CASP9: variants seen among roughly 807,000 people sequenced by gnomAD.
CASP9 encodes caspase 9.
In CASP9, 29 loss-of-function variants were observed where a neutral mutation model predicts 43.5. The observed-to-expected ratio is 0.67, with a 90% CI of 0.50 to 0.91. CASP9 has a LOEUF of 0.91. Among genes scored for constraint, CASP9 ranks in the 40% least tolerant of loss-of-function variants. The pLI, the probability that CASP9 is intolerant of heterozygous loss-of-function variation, is 0.00. For synonymous variants in CASP9, 206 were observed against 211.9 expected, an observed-to-expected ratio of 0.97 and a Z score of 0.24; for missense variants, 575 against 537.4, an observed-to-expected ratio of 1.07 and a Z score of -0.69.
intron 2 of CASP9, among the ~76,000 whole-genome samples, chr1:15,509,469 A>G (rs1397972939): frequency 2.7e-5 from 4 of 150,868 alleles, no homozygotes; most frequent in Non-Finnish European, 4.4e-5. Flanking sequence ...ACAAAAAAAA[A>G]AAAAAAAAAA....
rs4646024 is a variant in CASP9, at chr1:15,512,209, C to A, written c.419-4302G>T. ...AGTTCCAACCCAGGCAAGGCATGAGCAGAGAAAGCCACTGATGGTTGAGTT... is the reference window on the plus strand; with the variant it reads ...AGTTCCAACCCAGGCAAGGCATGAGAAGAGAAAGCCACTGATGGTTGAGTT... On this transcript the variant is annotated intron_variant, in intron 2 of 8. Coordinates refer to ENST00000333868, the MANE Select transcript of CASP9 (RefSeq NM_001229.5). 4.7e-4 allele frequency among the ~76,000 whole-genome samples: 71 copies of A among 152,322 alleles called. 2 individuals are homozygous for A. The highest frequency in any genetic ancestry group is 4.5e-3 in the Admixed American group (69 of 15,304).
rs764016391 is a variant in CASP9 at position 15,493,827 on chromosome 1, C to T, written c.1158+65G>A. On this transcript the variant is annotated intron_variant, in intron 8 of 8. Transcript: ENST00000333868. ...TGCCCTGCTCACCCCAAATCCCCAG[C>T]CCCAGGAGGACACGCTGCCCCTCAG... 1.9e-6 allele frequency: 3 copies of T among 1,546,754 alleles called. No individual in the cohort carries two copies. The African/African-American group carries it at 4.1e-5, about 21-fold the overall frequency.
chr1:15,502,888 G>C (rs1026027228), intron 6 of CASP9, among the ~76,000 whole-genome samples: 1 of 152,192 alleles, frequency 6.6e-6, no homozygotes, highest in Non-Finnish European at 1.5e-5. Context: ...CAGGAGGTGA[G>C]GCAGAGCAGG....
intron 6 of CASP9, among the ~76,000 whole-genome samples, chr1:15,499,530 T>C (rs1709242855): frequency 6.6e-6 from 1 of 152,224 alleles, no homozygotes; most frequent in Admixed American, 6.5e-5. Flanking sequence ...TCCATGGAGA[T>C]GTTTACACCT....
intron 1 of CASP9, chr1:15,520,008 CA>C (rs988543039): frequency 3.6e-4 from 53 of 147,266 alleles, no homozygotes; most frequent in African/African-American, 6.2e-4. Flanking sequence ...GACCCTGTCT[CA>C]AAAAAAAAAA....
intron 4 of CASP9, among the ~76,000 whole-genome samples, chr1:15,506,388 G>T (rs1380228552): frequency 6.6e-6 from 1 of 152,172 alleles, no homozygotes; most frequent in Admixed American, 6.5e-5. Context: ...CCTGGGAGGT[G>T]GAGGTTGCAG....
chr1:15,506,847 T>C (rs1311766957), intron 4 of CASP9, 52 bp downstream of exon 4: 2 of 1,485,468 alleles, frequency 1.3e-6, no homozygotes, highest in African/African-American at 2.8e-5. Flanking sequence ...CAAAAGATAC[T>C]TCCCCACCCA....
intron 6 of CASP9, among the ~76,000 whole-genome samples, chr1:15,502,868 G>A (rs1188072534): frequency 1.3e-5 from 2 of 152,210 alleles, no homozygotes; most frequent in East Asian, 1.9e-4. Flanking sequence ...ACCACACACT[G>A]TGGATAAGAC....
chr1:15,524,168 C>G lies in CASP9; in HGVS notation c.33G>C (p.Arg11=). 6.5e-7 allele frequency: 1 copy of G among 1,541,508 alleles called. No homozygotes were observed. The highest frequency in any genetic ancestry group is 8.7e-7 in the Non-Finnish European group (1 of 1,148,336). Residue 11 remains arginine (R), a synonymous_variant, in exon 1 of 9, where the codon CGG becomes CGC. Transcript: ENST00000333868. The part of the protein sequence containing the change: MDEADRRLLR[R]CRLRLVEELQ... Reference sequence around the variant, plus strand: ...GCTCTTCCACCAGCCGCAGCCGGCACCGCCGCAGGAGCCGCCGATCCGCTT... The same window carrying G: ...GCTCTTCCACCAGCCGCAGCCGGCAGCGCCGCAGGAGCCGCCGATCCGCTT...
intron 1 of CASP9, among the ~76,000 whole-genome samples, chr1:15,518,682 T>C (rs1017597952): frequency 2.0e-5 from 3 of 152,164 alleles, no homozygotes; most frequent in African/African-American, 7.2e-5. Flanking sequence ...AAATCAGCAA[T>C]GACACAACAA....
At chr1:15,493,666 G>A in intron 8 of CASP9, 1 of 1,449,788 alleles carries the variant, frequency 6.9e-7, no homozygotes, top group African/African-American at 1.4e-5. Context: ...GGACCTTGGA[G>A]GAGACAGGGA....
intron 7 of CASP9, 131 bp from the exon 8 acceptor site, chr1:15,494,132 G>A: frequency 9.3e-7 from 1 of 1,079,122 alleles, no homozygotes; most frequent in Non-Finnish European, 1.3e-6. Context: ...AACAGGAGCA[G>A]CCTGGCCCCT....
rs184108972 is a variant in CASP9, at chr1:15,492,238, T to C, written c.*705A>G. On this transcript the variant is annotated 3_prime_UTR_variant, in exon 9 of 9. Coordinates refer to ENST00000333868, the MANE Select transcript of CASP9 (RefSeq NM_001229.5). The stretch of plus-strand genomic sequence containing the variant: ...CTCTTTTGTAAGGAAGAAGAAAGAG[T>C]TGGAGCAAAATGAGGGAAGAAATAG... 8 of 151,870 alleles carry C rather than the reference T, an allele frequency of 5.3e-5. No homozygotes were observed. The highest frequency in any genetic ancestry group is 1.9e-4 in the African/African-American group (8 of 41,420). The allele number at this position is 151,870 out of a possible 1,614,324, so 9.4% of individuals were successfully genotyped here. A position where few individuals can be genotyped will look rare whatever the true frequency, so the allele number is the denominator to read the frequency against.
intron 2 of CASP9, among the ~76,000 whole-genome samples, chr1:15,509,986 A>G (rs1709694418): frequency 6.6e-6 from 1 of 152,102 alleles, no homozygotes; most frequent in Non-Finnish European, 1.5e-5. Context: ...GCTGGAGTGC[A>G]GTGGCGCGAT....
rs1322633994 is a variant in CASP9, at chr1:15,504,750, G to A, written c.729C>T (p.His243=). Residue 243 remains histidine, a synonymous_variant, in exon 6 of 9, where the codon CAC becomes CAT. Coordinates refer to ENST00000333868, the MANE Select transcript of CASP9 (RefSeq NM_001229.5). ...VILSHGCQAS[H]LQFPGAVYGT... ...CGTAGACAGCCCCTGGGAACTGCAG[G>A]TGGCTGGCCTAGAAGACCAAGAACC... 5.6e-6 allele frequency: 9 copies of A among 1,612,780 alleles called. No homozygotes were observed. Among genetic ancestry groups the A allele is most frequent in the Non-Finnish European group, 5.9e-6 (7 of 1,179,540 alleles).
At chr1:15,493,516 G>C in intron 8 of CASP9, 1 of 1,351,574 alleles carries the variant, frequency 7.4e-7, no homozygotes, top group South Asian at 2.0e-5. Context: ...AATTCTTGAG[G>C]GTCAAGAGTA....
chr1:15,498,813 G>A (rs1186560039), intron 6 of CASP9, among the ~76,000 whole-genome samples: 1 of 138,320 alleles, frequency 7.2e-6, no homozygotes, highest in African/African-American at 2.7e-5. Context: ...GCAGTGGCGC[G>A]ATGGCTCACT....
At chr1:15,507,790 C>A in intron 3 of CASP9, 83 bp downstream of exon 3, 1 of 1,400,072 alleles carries the variant, frequency 7.1e-7, no homozygotes, top group Non-Finnish European at 1.0e-6. Flanking sequence ...GGGCTCCTGA[C>A]ACACCTGCAG....
chr1:15,495,104 C>T (rs1345266069), intron 7 of CASP9, among the ~76,000 whole-genome samples, 169 bp downstream of exon 7: 1 of 151,910 alleles, frequency 6.6e-6, no homozygotes, highest in African/African-American at 2.4e-5. Context: ...CATCCTTGCC[C>T]GCTCAGCCTG....
Sources: gnomAD v4.1 joint callset for allele counts (sites outside exome capture counted in the v4.1 genomes callset) on GRCh38, gnomAD v4.1.1 for gene constraint, MANE v1.5 for transcripts, NCBI Gene and HGNC (gene_info 2026-07-23, HGNC 2026-07-21) for gene names.